SLC5A1: variants seen among roughly 807,000 people sequenced by gnomAD.
The protein encoded by SLC5A1 is solute carrier family 5 member 1.
A neutral mutation model predicts 73.5 loss-of-function variants in SLC5A1; 42 were observed. That is an observed-to-expected ratio of 0.57 (90% CI 0.45 to 0.74). The LOEUF (loss-of-function observed/expected upper bound fraction) is 0.74. SLC5A1 is among the 30% of genes least tolerant of loss of function. The pLI is 0.00. For missense variants in SLC5A1, 634 were observed against 855.4 expected (o/e 0.74, Z 3.23); for synonymous variants, 300 against 317.4 (o/e 0.95, Z 0.58).
intron 5 of SLC5A1, among the ~76,000 whole-genome samples, chr22:32,079,897 C>G (rs917697964): frequency 5.3e-5 from 8 of 152,178 alleles, no homozygotes; most frequent in African/African-American, 1.7e-4. Context: ...AGGCGCCTTC[C>G]TCCTCTTGGG....
At chr22:32,064,191 T>A (rs959579720) in intron 2 of SLC5A1, among the ~76,000 whole-genome samples, 2 of 152,104 alleles carry the variant, frequency 1.3e-5, no homozygotes, top group African/African-American at 4.8e-5. Flanking sequence ...AGAATGAAAC[T>A]TTTGATTAAA....
intron 1 of SLC5A1, among the ~76,000 whole-genome samples, chr22:32,049,119 A>C (rs2093941245): frequency 6.9e-6 from 1 of 144,180 alleles, no homozygotes; most frequent in African/African-American, 2.6e-5. Flanking sequence ...TATAATCATT[A>C]TATATATATA....
chr22:32,063,745 T>A (rs549409652), intron 2 of SLC5A1, among the ~76,000 whole-genome samples: 1 of 152,174 alleles, frequency 6.6e-6, no homozygotes, highest in African/African-American at 2.4e-5. Flanking sequence ...TGAGAGATAG[T>A]GACAGGCAGC....
chr22:32,095,086 T>C (rs1279140123), intron 11 of SLC5A1, among the ~76,000 whole-genome samples: 1 of 152,222 alleles, frequency 6.6e-6, no homozygotes, highest in East Asian at 1.9e-4. Context: ...TCCATCTTGA[T>C]TTCATTGTTG....
At chr22:32,054,416 T>C (rs150143482) in intron 2 of SLC5A1, among the ~76,000 whole-genome samples, 2 of 152,234 alleles carry the variant, frequency 1.3e-5, no homozygotes, top group East Asian at 3.9e-4. Flanking sequence ...GAAGAAAGTG[T>C]ATTTGAGTCA....
intron 1 of SLC5A1, among the ~76,000 whole-genome samples, chr22:32,046,820 C>T (rs2093937798): frequency 6.6e-6 from 1 of 152,190 alleles, no homozygotes; most frequent in African/African-American, 2.4e-5. Flanking sequence ...CCTTCTTTTA[C>T]CCCAGCAGCT....
chr22:32,061,908 G>C (rs1234683431), intron 2 of SLC5A1, among the ~76,000 whole-genome samples: 1 of 152,168 alleles, frequency 6.6e-6, no homozygotes, highest in Non-Finnish European at 1.5e-5. Flanking sequence ...CAACAATGGT[G>C]ATGAGAATCA....
intron 5 of SLC5A1, among the ~76,000 whole-genome samples, chr22:32,072,460 CACT>C (rs2093984239): frequency 6.6e-6 from 1 of 152,116 alleles, no homozygotes; most frequent in Non-Finnish European, 1.5e-5. Context: ...TTCAGTCCAC[CACT>C]GATGGGCATT....
At chr22:32,087,178 C>T (rs895768377) in intron 10 of SLC5A1, among the ~76,000 whole-genome samples, 6 of 152,046 alleles carry the variant, frequency 3.9e-5, no homozygotes, top group African/African-American at 1.4e-4. Context: ...ATCTATTGTA[C>T]AACATAGTGA....
At chr22:32,085,546 CTTTT>C (rs35772243) in intron 9 of SLC5A1, among the ~76,000 whole-genome samples, 1 of 119,142 alleles carries the variant, frequency 8.4e-6, no homozygotes, top group Non-Finnish European at 1.8e-5. Context: ...TTGTTTCCTC[CTTTT>C]TTTTTTTTTT....
chr22:32,058,892 G>A (rs1298390663), intron 2 of SLC5A1, among the ~76,000 whole-genome samples: 1 of 152,204 alleles, frequency 6.6e-6, no homozygotes, highest in Non-Finnish European at 1.5e-5. Context: ...CTTCAGGAGA[G>A]AGTGGTCCTT....
intron 5 of SLC5A1, among the ~76,000 whole-genome samples, chr22:32,071,559 A>G (rs1323063139): frequency 6.6e-6 from 1 of 152,114 alleles, no homozygotes; most frequent in Non-Finnish European, 1.5e-5. Flanking sequence ...GCAGAGAGAG[A>G]GGTGGTGTTT....
chr22:32,048,954 C>T (rs1417466422), intron 1 of SLC5A1, among the ~76,000 whole-genome samples: 1 of 151,870 alleles, frequency 6.6e-6, no homozygotes, highest in Non-Finnish European at 1.5e-5. Flanking sequence ...CCTGTAGTCC[C>T]AGCTACTCAG....
chr22:32,112,049 G>A lies in SLC5A1; in HGVS notation c.*1836G>A, dbSNP rs1474327325. Reference sequence around the variant, plus strand: ...AAGGCTCAGAGTACAGATATACCCCGAGCAACGTGATCAATGTCCTTGAAC... The same window carrying A: ...AAGGCTCAGAGTACAGATATACCCCAAGCAACGTGATCAATGTCCTTGAAC... On this transcript the variant is annotated 3_prime_UTR_variant, in exon 15 of 15. Coordinates refer to ENST00000266088, the MANE Select transcript of SLC5A1 (RefSeq NM_000343.4). 2 of 152,184 alleles carry A rather than the reference G, an allele frequency of 1.3e-5. No homozygotes were observed. The highest frequency in any genetic ancestry group is 2.9e-5 in the Non-Finnish European group (2 of 68,016). The allele number at this position is 152,184 out of a possible 1,614,324, so 9.4% of individuals were successfully genotyped here.
chr22:32,045,240 G>T (rs2093935662), intron 1 of SLC5A1, among the ~76,000 whole-genome samples: 1 of 152,114 alleles, frequency 6.6e-6, no homozygotes, highest in Non-Finnish European at 1.5e-5. Flanking sequence ...GATAATATCG[G>T]TTCTCTTAAC....
chr22:32,060,789 T>G (rs1350453694), intron 2 of SLC5A1, among the ~76,000 whole-genome samples: 2 of 152,084 alleles, frequency 1.3e-5, no homozygotes, highest in Admixed American at 1.3e-4. Context: ...AGGCTGGTCT[T>G]GAACTCTTGG....
At chr22:32,048,293 T>C (rs1443744515) in intron 1 of SLC5A1, among the ~76,000 whole-genome samples, 1 of 152,170 alleles carries the variant, frequency 6.6e-6, no homozygotes, top group African/African-American at 2.4e-5. Context: ...ACAGAGGCAC[T>C]GACCCCATTT....
At chr22:32,063,601 A>G (rs2093967284) in intron 2 of SLC5A1, among the ~76,000 whole-genome samples, 1 of 152,136 alleles carries the variant, frequency 6.6e-6, no homozygotes, top group Admixed American at 6.5e-5. Context: ...GTGTCCAGGA[A>G]AGTCTCTGAA....
Position 32,099,165 on chromosome 22 carries a change from T to C in SLC5A1, c.1281-18T>C. 1 of 1,566,754 alleles carries C rather than the reference T, an allele frequency of 6.4e-7. No homozygotes were observed. The highest frequency in any genetic ancestry group is 8.7e-7 in the Non-Finnish European group (1 of 1,149,746). On this transcript the variant is annotated intron_variant, in intron 11 of 14. Transcript: ENST00000266088. ...AGAGCTATTTATTGACACCTTGTTG[T>C]GGGGGCTTTAATTTCAGGTTGTTTA...
Sources: gnomAD v4.1 joint callset for allele counts (sites outside exome capture counted in the v4.1 genomes callset) on GRCh38, gnomAD v4.1.1 for gene constraint, MANE v1.5 for transcripts, NCBI Gene and HGNC (gene_info 2026-07-23, HGNC 2026-07-21) for gene names.